Variants in NCALD observed in about 807,000 individuals in gnomAD.
NCALD encodes neurocalcin-delta.
In NCALD, 10 loss-of-function variants were observed where a neutral mutation model predicts 18.6. That is an observed-to-expected ratio of 0.54 (90% CI 0.33 to 0.91). NCALD has a LOEUF of 0.91. NCALD is among the 40% of genes least tolerant of loss of function. The pLI is 0.03. For synonymous variants in NCALD, 88 were observed against 87.4 expected, an observed-to-expected ratio of 1.01 and a Z score of -0.04; for missense variants, 184 against 247.6, an observed-to-expected ratio of 0.74 and a Z score of 1.72.
At chr8:102,067,840 C>T (rs937386583) in intron 1 of NCALD, among the ~76,000 whole-genome samples, 2 of 152,208 alleles carry the variant, frequency 1.3e-5, no homozygotes, top group African/African-American at 2.4e-5. Flanking sequence ...CTTCCCCTGT[C>T]GTATTCTCCC....
chr8:101,942,606 T>C (rs1466412090), intron 2 of NCALD, among the ~76,000 whole-genome samples: 1 of 152,182 alleles, frequency 6.6e-6, no homozygotes, highest in Admixed American at 6.5e-5. Flanking sequence ...GCAAGCATAA[T>C]CCCAGATGAT....
At chr8:101,794,329 G>A (rs6468796), upstream of NCALD, among the ~76,000 whole-genome samples, 1 of 152,000 alleles carries the variant, frequency 6.6e-6, no homozygotes, top group Non-Finnish European at 1.5e-5. Flanking sequence ...CTCAACTATT[G>A]GGAAATAAAT....
chr8:101,833,085 C>T (rs942204033), intron 4 of NCALD, among the ~76,000 whole-genome samples: 6 of 152,164 alleles, frequency 3.9e-5, no homozygotes, highest in African/African-American at 1.4e-4. Flanking sequence ...TAAGGTGTCG[C>T]CCTTCTTCCT....
intron 4 of NCALD, among the ~76,000 whole-genome samples, chr8:101,869,596 G>C (rs1815920381): frequency 6.6e-6 from 1 of 152,166 alleles, no homozygotes; most frequent in Admixed American, 6.5e-5. Context: ...GCCACAAAGA[G>C]CCAGGGATGG....
intron 2 of NCALD, among the ~76,000 whole-genome samples, chr8:101,943,201 AG>A (rs1482123426): frequency 6.6e-6 from 1 of 152,082 alleles, no homozygotes; most frequent in Non-Finnish European, 1.5e-5. Flanking sequence ...GTGGCAAAAA[AG>A]AGACTCCCCA....
At chr8:102,002,796 A>G (rs145624920) in intron 2 of NCALD, among the ~76,000 whole-genome samples, 4,270 of 152,264 alleles carry the variant, frequency 0.028, 99 homozygotes, top group East Asian at 0.092. Context: ...ATAACGAAAT[A>G]AAGGCAGAAA....
At chr8:101,910,623 C>T (rs1361869461) in intron 3 of NCALD, among the ~76,000 whole-genome samples, 1 of 152,120 alleles carries the variant, frequency 6.6e-6, no homozygotes, top group African/African-American at 2.4e-5. Context: ...TACAAAGATA[C>T]TATTTATAAA....
chr8:101,807,448 A>G (rs1489492732), intron 4 of NCALD, among the ~76,000 whole-genome samples: 1 of 152,182 alleles, frequency 6.6e-6, no homozygotes, highest in Non-Finnish European at 1.5e-5. Flanking sequence ...ATTTGAATCC[A>G]CAGGTATAAA....
chr8:102,035,253 T>C (rs13277261), intron 1 of NCALD, among the ~76,000 whole-genome samples: 21,266 of 152,106 alleles, frequency 0.14, 1,637 homozygotes, highest in African/African-American at 0.19. Flanking sequence ...ATGCTATGGG[T>C]GGACTCTTCC....
intron 1 of NCALD, among the ~76,000 whole-genome samples, chr8:101,729,143 T>G (rs572768797): frequency 6.6e-6 from 1 of 152,358 alleles, no homozygotes; most frequent in African/African-American, 2.4e-5. Context: ...TAAGGAAGAC[T>G]AAATAAAAAC....
intron 2 of NCALD, among the ~76,000 whole-genome samples, chr8:101,980,441 G>A (rs1820577001): frequency 6.6e-6 from 1 of 152,138 alleles, no homozygotes; most frequent in South Asian, 2.1e-4. Flanking sequence ...TTTTTAAAAG[G>A]GCTAGGATCA....
chr8:101,799,186 T>A (rs1346350039), intron 4 of NCALD, among the ~76,000 whole-genome samples: 1 of 151,620 alleles, frequency 6.6e-6, no homozygotes, highest in Non-Finnish European at 1.5e-5. Context: ...AACAAACAAG[T>A]ATAAAAAAAA....
intron 1 of NCALD, among the ~76,000 whole-genome samples, chr8:102,077,810 C>T (rs527291938): frequency 6.6e-6 from 1 of 152,312 alleles, no homozygotes; most frequent in South Asian, 2.1e-4. Context: ...TGCTGCTCCT[C>T]GGTTCTCTTT....
rs561896560 is a variant in NCALD, at chr8:101,689,799, T to A, written c.485-393A>T. Among the ~76,000 whole-genome samples, 7 of 152,322 alleles carry A rather than the reference T, an allele frequency of 4.6e-5. No individual in the cohort carries two copies. In the South Asian group the frequency reaches 1.5e-3, roughly 32 times the overall value. On this transcript the variant is annotated intron_variant, in intron 3 of 3. Coordinates refer to ENST00000220931, the MANE Select transcript of NCALD (RefSeq NM_032041.3). This position sits in a 1 kb window ranked among gnomAD's most constrained non-coding sequence, Gnocchi z 4.4. The stretch of plus-strand genomic sequence containing the variant: ...AGTGGCCCTCCTGCATTTATGAGAA[T>A]GAGCTGGGCCCTGGCAGCACCCGGT...
rs780954557 is a variant in NCALD, at chr8:101,942,601, C to T, written c.-156-26743G>A. On this transcript the variant is annotated intron_variant, in intron 2 of 6. Coordinates refer to the NCALD transcript ENST00000311028. ...TAGGAAGAGCTGAGTTTGGGGCAAG[C>T]ATAATCCCAGATGATTACGTGTTCT... Among the ~76,000 whole-genome samples, 3 of 152,212 alleles carry T rather than the reference C, an allele frequency of 2.0e-5. No homozygotes were observed. The East Asian group carries it at 5.8e-4, about 29-fold the overall frequency.
At chr8:101,964,242 C>T (rs886279491) in intron 2 of NCALD, among the ~76,000 whole-genome samples, 4 of 152,124 alleles carry the variant, frequency 2.6e-5, no homozygotes, top group Non-Finnish European at 5.9e-5. Context: ...TTGACATCAG[C>T]TTATATTAAT....
intron 4 of NCALD, chr8:101,871,920 T>A: frequency 1.4e-6 from 1 of 708,062 alleles, no homozygotes; most frequent in Non-Finnish European, 2.6e-6. Flanking sequence ...TCTTAGGGTT[T>A]TCCTCCAAGT....
At chr8:102,062,197 A>T (rs901296450) in intron 1 of NCALD, among the ~76,000 whole-genome samples, 5 of 152,212 alleles carry the variant, frequency 3.3e-5, no homozygotes, top group African/African-American at 1.2e-4. Context: ...TGAGGCCAGG[A>T]GAGGCTGAGA....
chr8:101,794,697 A>G (rs997379775), upstream of NCALD, among the ~76,000 whole-genome samples: 12 of 152,182 alleles, frequency 7.9e-5, no homozygotes, highest in African/African-American at 2.9e-4. Context: ...TAATCCTATG[A>G]GGCAGGCACT....
Sources: allele counts gnomAD v4.1 joint callset (sites outside exome capture counted in the v4.1 genomes callset), GRCh38; gene constraint gnomAD v4.1.1; non-coding constraint Gnocchi (gnomAD v3.1); transcripts MANE v1.5; gene names NCBI Gene and HGNC (gene_info 2026-07-23, HGNC 2026-07-21).